The following TACR1 variants were observed in gnomAD, a reference collection of about 807,000 sequenced individuals.
TACR1 encodes substance-P receptor.
TACR1 carries 25 observed loss-of-function variants against 35.8 expected under a neutral mutation model. The observed-to-expected ratio is 0.70, with a 90% CI of 0.51 to 0.98. TACR1 has a LOEUF of 0.98. Among genes scored for constraint, TACR1 ranks in the 50% least tolerant of loss-of-function variants. TACR1 has a pLI of 0.00. For synonymous variants in TACR1, 195 were observed against 206.7 expected, an observed-to-expected ratio of 0.94 and a Z score of 0.48; for missense variants, 478 against 522.9, an observed-to-expected ratio of 0.91 and a Z score of 0.84.
At position 75,142,244 on chromosome 2, in the gene TACR1, A is replaced by T. The variant is rs922915717; in HGVS notation, c.390-21476T>A. Among the ~76,000 whole-genome samples, 17 of 152,032 alleles carry T rather than the reference A, an allele frequency of 1.1e-4. 1 individual carries two copies. The highest frequency in any genetic ancestry group is 3.6e-4 in the African/African-American group (15 of 41,386). On this transcript the variant is annotated intron_variant, in intron 1 of 4. Transcript: ENST00000305249. ...TCGGCTCACACTTTCTGAGTGTTCC[A>T]TTTTCTCATTCCTTGTGCCAATTCT...
At chr2:75,096,005 A>G (rs1281718257) in intron 2 of TACR1, among the ~76,000 whole-genome samples, 1 of 152,210 alleles carries the variant, frequency 6.6e-6, no homozygotes, top group Non-Finnish European at 1.5e-5. Context: ...TAGAGCAACT[A>G]TTTTGACAGC....
chr2:75,147,500 A>C (rs1419830607), intron 1 of TACR1, among the ~76,000 whole-genome samples: 1 of 152,202 alleles, frequency 6.6e-6, no homozygotes, highest in African/African-American at 2.4e-5. Flanking sequence ...TGCTGCACCT[A>C]TCAACCTGCC....
chr2:75,054,041 G>A (rs762122716), intron 2 of TACR1, among the ~76,000 whole-genome samples: 1 of 152,068 alleles, frequency 6.6e-6, no homozygotes, highest in South Asian at 2.1e-4. Flanking sequence ...TTGATGACAG[G>A]GCACTGAATC....
At chr2:75,143,544 A>G (rs140071211) in intron 1 of TACR1, among the ~76,000 whole-genome samples, 1 of 152,228 alleles carries the variant, frequency 6.6e-6, no homozygotes, top group Non-Finnish European at 1.5e-5. Flanking sequence ...TCTATTAGCT[A>G]ATTGAGTTTT....
In TACR1 at chr2:75,047,396, T is replaced by C. The variant is rs1367125088; in HGVS notation, c.*2036A>G. 1 of 152,366 alleles carries C rather than the reference T, an allele frequency of 6.6e-6. No homozygotes were observed. Among genetic ancestry groups the C allele is most frequent in the African/African-American group, 2.4e-5 (1 of 41,466 alleles). 9.4% of individuals were successfully genotyped at this position (152,366 alleles called of 1,614,324 possible). On this transcript the variant is annotated 3_prime_UTR_variant, in exon 5 of 5. Transcript: ENST00000305249. ...TAGTGATGGCCAATAAGGTAGGCTCTTCAAGAGCTGCAGGGGCTGTGTGTT... is the reference window on the plus strand; with the variant it reads ...TAGTGATGGCCAATAAGGTAGGCTCCTCAAGAGCTGCAGGGGCTGTGTGTT...
At chr2:75,116,754 C>CA (rs1300797007) in intron 2 of TACR1, among the ~76,000 whole-genome samples, 2 of 151,856 alleles carry the variant, frequency 1.3e-5, no homozygotes, top group Non-Finnish European at 2.9e-5. Context: ...ACTAAAAATA[C>CA]AAAAAATTAG....
chr2:75,066,818 T>G (rs568527448), intron 2 of TACR1, among the ~76,000 whole-genome samples: 12 of 152,340 alleles, frequency 7.9e-5, no homozygotes, highest in African/African-American at 2.9e-4. Flanking sequence ...CAAGAAATTG[T>G]CAAGGATACT....
At chr2:75,058,960 G>A (rs765980199) in intron 2 of TACR1, among the ~76,000 whole-genome samples, 1 of 152,222 alleles carries the variant, frequency 6.6e-6, no homozygotes, top group African/African-American at 2.4e-5. Flanking sequence ...TGTACTTGGA[G>A]GAGACTCTGG....
chr2:75,074,540 G>C (rs993682517), intron 2 of TACR1, among the ~76,000 whole-genome samples: 53 of 152,220 alleles, frequency 3.5e-4, no homozygotes, highest in African/African-American at 1.2e-3. Flanking sequence ...CATTTCCCCA[G>C]ACTGGGGAAA....
At chr2:75,143,634 C>G (rs541762731) in intron 1 of TACR1, among the ~76,000 whole-genome samples, 6 of 152,276 alleles carry the variant, frequency 3.9e-5, no homozygotes, top group African/African-American at 1.2e-4. Context: ...GATGAAGAAA[C>G]TATGGCACAG....
intron 1 of TACR1, among the ~76,000 whole-genome samples, chr2:75,141,389 T>TA (rs1674399017): frequency 2.0e-5 from 3 of 152,126 alleles, no homozygotes; most frequent in South Asian, 2.1e-4. Context: ...TTACAACACT[T>TA]ACAACTTTAT....
chr2:75,098,617 T>G (rs1236996806), intron 2 of TACR1, among the ~76,000 whole-genome samples: 1 of 152,136 alleles, frequency 6.6e-6, no homozygotes, highest in African/African-American at 2.4e-5. Flanking sequence ...GTTAAGAGAC[T>G]TCCAGGCTTC....
intron 1 of TACR1, among the ~76,000 whole-genome samples, chr2:75,154,060 CG>C (rs1450181064): frequency 1.3e-5 from 2 of 152,010 alleles, no homozygotes; most frequent in Non-Finnish European, 2.9e-5. Flanking sequence ...AATTGAAGGG[CG>C]GGGGTGTGGG....
chr2:75,082,342 G>A (rs1673105625), intron 2 of TACR1, among the ~76,000 whole-genome samples: 1 of 152,114 alleles, frequency 6.6e-6, no homozygotes, highest in African/African-American at 2.4e-5. Context: ...TGGGTTGGTT[G>A]GTTCCAAGTC....
At position 75,195,456 on chromosome 2, in the gene TACR1, G is replaced by T. The variant is rs557651517; in HGVS notation, c.389+3090C>A. 8.7e-5 allele frequency among the ~76,000 whole-genome samples: 13 copies of T among 148,674 alleles called. No individual in the cohort carries two copies. The South Asian group carries it at 2.8e-3, about 32-fold the overall frequency. On this transcript the variant is annotated intron_variant, in intron 1 of 4. Coordinates refer to ENST00000305249, the MANE Select transcript of TACR1 (RefSeq NM_001058.4). ...CCCCACCCCACCTTTCCTGTAGAAA[G>T]ACTACAGGAAACATTTAAATTAGTA...
intron 2 of TACR1, among the ~76,000 whole-genome samples, chr2:75,095,424 G>T (rs1053244407): frequency 3.9e-5 from 6 of 152,308 alleles, no homozygotes; most frequent in Middle Eastern, 3.4e-3. Context: ...AAGGAGTCTG[G>T]ACAACCTCAC....
At chr2:75,147,139 T>G (rs12475818) in intron 1 of TACR1, among the ~76,000 whole-genome samples, 64,537 of 152,150 alleles carry the variant, frequency 0.42, 14,611 homozygotes, top group Non-Finnish European at 0.51. Context: ...CCTGTTTGTC[T>G]AAGCAGATGC....
chr2:75,172,033 G>C (rs1675298694), intron 1 of TACR1, among the ~76,000 whole-genome samples: 1 of 152,218 alleles, frequency 6.6e-6, no homozygotes, highest in African/African-American at 2.4e-5. Context: ...TTTCTTCATA[G>C]CAGTATGAAA....
intron 1 of TACR1, among the ~76,000 whole-genome samples, chr2:75,172,673 A>T (rs1421907585): frequency 1.3e-5 from 2 of 152,182 alleles, no homozygotes; most frequent in Admixed American, 6.5e-5. Context: ...ACCTCAGAAA[A>T]TTATGACTTG....
Sources: gnomAD v4.1 joint callset for allele counts (sites outside exome capture counted in the v4.1 genomes callset) on GRCh38, gnomAD v4.1.1 for gene constraint, MANE v1.5 for transcripts, NCBI Gene and HGNC (gene_info 2026-07-23, HGNC 2026-07-21) for gene names.